The following GAP43 variants were observed in gnomAD, a reference collection of about 807,000 sequenced individuals.
GAP43 encodes neuromodulin.
In GAP43, 6 loss-of-function variants were observed where a neutral mutation model predicts 18.6. The observed-to-expected ratio is 0.32, with a 90% CI of 0.18 to 0.64. GAP43 has a LOEUF of 0.64. Among genes scored for constraint, GAP43 ranks in the 30% least tolerant of loss-of-function variants. The pLI, the probability that GAP43 is intolerant of heterozygous loss-of-function variation, is 0.78. For missense variants in GAP43, 292 were observed against 295.5 expected (o/e 0.99, Z 0.09); for synonymous variants, 115 against 111.4 (o/e 1.03, Z -0.20).
At chr3:115,700,652 A>G (rs1709287089) in intron 2 of GAP43, among the ~76,000 whole-genome samples, 1 of 152,042 alleles carries the variant, frequency 6.6e-6, no homozygotes, top group South Asian at 2.1e-4. Flanking sequence ...TTCAGTGAAA[A>G]AGTCTTTTTC....
chr3:115,670,003 T>C, intron 1 of GAP43, among the ~76,000 whole-genome samples: 1 of 147,280 alleles, frequency 6.8e-6, no homozygotes, highest in Non-Finnish European at 1.5e-5. Flanking sequence ...TTTAATTTTT[T>C]TTTTTATTAT....
At chr3:115,694,860 G>A (rs1709164645) in intron 2 of GAP43, among the ~76,000 whole-genome samples, 1 of 152,148 alleles carries the variant, frequency 6.6e-6, no homozygotes, top group Admixed American at 6.5e-5. Flanking sequence ...TGTCATGATT[G>A]GGTTTCCAAT....
At chr3:115,670,636 A>T (rs1708805264) in intron 1 of GAP43, among the ~76,000 whole-genome samples, 2 of 152,348 alleles carry the variant, frequency 1.3e-5, no homozygotes, top group South Asian at 4.1e-4. Flanking sequence ...GGTATCAATG[A>T]TGCTTAAAAA....
At chr3:115,703,787 T>A (rs1360967327) in intron 2 of GAP43, among the ~76,000 whole-genome samples, 1 of 152,090 alleles carries the variant, frequency 6.6e-6, no homozygotes, top group African/African-American at 2.4e-5. Flanking sequence ...AGCTATCCTC[T>A]AAAAACACGG....
At chr3:115,696,043 C>A (rs1709184856) in intron 2 of GAP43, among the ~76,000 whole-genome samples, 1 of 151,818 alleles carries the variant, frequency 6.6e-6, no homozygotes, top group South Asian at 2.1e-4. Flanking sequence ...CTCCTCTTTT[C>A]TCTTCTACAT....
intron 1 of GAP43, among the ~76,000 whole-genome samples, chr3:115,638,831 T>C (rs1708360713): frequency 6.6e-6 from 1 of 152,100 alleles, no homozygotes; most frequent in Admixed American, 6.6e-5. Context: ...GGAGACTCTC[T>C]GATCCTCCAG....
At chr3:115,681,466 A>G (rs926461009) in intron 2 of GAP43, among the ~76,000 whole-genome samples, 2 of 152,086 alleles carry the variant, frequency 1.3e-5, no homozygotes, top group South Asian at 4.2e-4. Context: ...ACCAACCAGG[A>G]CCTTACTAGG....
rs1182696745 is a variant in GAP43, at chr3:115,690,841, C to T, written c.628+14231C>T. Reference sequence around the variant, plus strand: ...TGCAATCTCAGCTCACTGCAAGCTCCGTCTCCCAGGTTCACGCCATTCTCC... The same window carrying T: ...TGCAATCTCAGCTCACTGCAAGCTCTGTCTCCCAGGTTCACGCCATTCTCC... On this transcript the variant is annotated intron_variant, in intron 2 of 2. Transcript: ENST00000305124. 4.6e-5 allele frequency among the ~76,000 whole-genome samples: 7 copies of T among 150,644 alleles called. 1 individual carries two copies. In the South Asian group the frequency reaches 1.3e-3, roughly 27 times the overall value.
chr3:115,625,966 C>T (rs1708182425), intron 1 of GAP43, among the ~76,000 whole-genome samples: 1 of 152,198 alleles, frequency 6.6e-6, no homozygotes, highest in Non-Finnish European at 1.5e-5. Context: ...TAAATGTGTA[C>T]TTCTGTGTGA....
chr3:115,688,102 C>T (rs551688111), intron 2 of GAP43, among the ~76,000 whole-genome samples: 49 of 152,174 alleles, frequency 3.2e-4, no homozygotes, highest in African/African-American at 6.7e-4. Context: ...CCGCAACCTC[C>T]GCCTCCCGGG....
intron 1 of GAP43, among the ~76,000 whole-genome samples, chr3:115,629,856 A>C (rs1708240691): frequency 6.6e-6 from 1 of 152,138 alleles, no homozygotes; most frequent in Non-Finnish European, 1.5e-5. Flanking sequence ...TCACTAGGAG[A>C]TTTTTAAAAA....
intron 1 of GAP43, among the ~76,000 whole-genome samples, chr3:115,624,300 A>AT (rs3086960): frequency 7.5e-4 from 112 of 149,526 alleles, no homozygotes; most frequent in Middle Eastern, 6.8e-3. Context: ...GATTTGATAG[A>AT]TTTTTTTTTT....
rs1309035305 is a variant in GAP43 at position 115,641,454 on chromosome 3, TAG to T, written c.30+17743_30+17744del. Among the ~76,000 whole-genome samples the T allele has an allele frequency of 5.3e-5, 8 of 150,284 alleles. 1 individual carries two copies. Among genetic ancestry groups the T allele is most frequent in the African/African-American group, 2.0e-4 (8 of 40,752 alleles). Reference sequence around the variant, plus strand: ...TACACACAGACACTATATATATATATAGAGAGAGAAAGAGTGCATTTATATGT... The same window carrying T: ...TACACACAGACACTATATATATATATAGAGAGAAAGAGTGCATTTATATGT... On this transcript the variant is annotated intron_variant, in intron 1 of 2. Transcript: ENST00000305124.
At chr3:115,677,291 T>C (rs559735305) in intron 2 of GAP43, among the ~76,000 whole-genome samples, 1 of 152,328 alleles carries the variant, frequency 6.6e-6, no homozygotes, top group African/African-American at 2.4e-5. Flanking sequence ...ATACAGAATA[T>C]GTTGTGAAGT....
intron 2 of GAP43, among the ~76,000 whole-genome samples, chr3:115,707,903 G>A (rs1027438002): frequency 3.9e-5 from 6 of 152,050 alleles, no homozygotes; most frequent in African/African-American, 1.4e-4. Flanking sequence ...TAGGACCACA[G>A]GTTTTCTTCC....
intron 1 of GAP43, among the ~76,000 whole-genome samples, chr3:115,649,647 TG>T (rs1410804253): frequency 2.0e-5 from 3 of 151,594 alleles, no homozygotes; most frequent in African/African-American, 7.3e-5. Flanking sequence ...TGTATTGAAA[TG>T]GGATGGTTTA....
At chr3:115,664,166 G>A (rs1354438100) in intron 1 of GAP43, among the ~76,000 whole-genome samples, 1 of 148,796 alleles carries the variant, frequency 6.7e-6, no homozygotes, top group East Asian at 2.0e-4. Flanking sequence ...GTGCTTAGAA[G>A]AGTGCTTGAC....
intron 2 of GAP43, among the ~76,000 whole-genome samples, chr3:115,691,875 A>G (rs893779157): frequency 2.0e-5 from 3 of 151,948 alleles, no homozygotes; most frequent in African/African-American, 4.8e-5. Flanking sequence ...GATTCAATAG[A>G]AAAGGTTGGG....
At chr3:115,712,228 T>C (rs1338661338) in intron 2 of GAP43, among the ~76,000 whole-genome samples, 1 of 152,216 alleles carries the variant, frequency 6.6e-6, no homozygotes, top group Non-Finnish European at 1.5e-5. Context: ...CCTAGTTTTA[T>C]AAGAGTAGCT....
Sources: allele counts gnomAD v4.1 joint callset (sites outside exome capture counted in the v4.1 genomes callset), GRCh38; gene constraint gnomAD v4.1.1; transcripts MANE v1.5; gene names NCBI Gene and HGNC (gene_info 2026-07-23, HGNC 2026-07-21).